BIK: variants seen among roughly 807,000 people sequenced by gnomAD.
BIK encodes BCL2 interacting killer.
A neutral mutation model predicts 12.1 loss-of-function variants in BIK; 14 were observed. That is an observed-to-expected ratio of 1.16 (90% confidence interval 0.77 to 1.81). The LOEUF is 1.81. BIK is among the 40% of genes most tolerant of loss of function. The pLI is 0.00. For synonymous variants in BIK, 86 were observed against 92.3 expected, an observed-to-expected ratio of 0.93 and a Z score of 0.39; for missense variants, 215 against 207.9, an observed-to-expected ratio of 1.03 and a Z score of -0.21.
chr22:43,116,671 A>G (rs1190215986), intron 1 of BIK, among the ~76,000 whole-genome samples: 2 of 151,992 alleles, frequency 1.3e-5, no homozygotes, highest in Admixed American at 6.6e-5. Flanking sequence ...GTTAGCCAGA[A>G]TGGTTTCGAT....
chr22:43,121,698 C>T lies in BIK; in HGVS notation c.-7-2318C>T, dbSNP rs148848656. On this transcript the variant is annotated intron_variant, in intron 1 of 4. Transcript: ENST00000216115. ...CTGGAGCTGCTTTCCTAGGGAAATG[C>T]CATTTGCATAGACACCCAAGGCAGC... Among the ~76,000 whole-genome samples the T allele has an allele frequency of 3.5e-3, 538 of 152,280 alleles. 6 individuals are homozygous for T. The highest frequency in any genetic ancestry group is 0.012 in the African/African-American group (518 of 41,558).
At chr22:43,116,725 G>A (rs1433584205) in intron 1 of BIK, among the ~76,000 whole-genome samples, 3 of 152,160 alleles carry the variant, frequency 2.0e-5, no homozygotes, top group African/African-American at 7.2e-5. Flanking sequence ...CCAAAGTGCT[G>A]GGATTACAGG....
chr22:43,119,278 T>A (rs1930175035), intron 1 of BIK, among the ~76,000 whole-genome samples: 1 of 152,036 alleles, frequency 6.6e-6, no homozygotes, highest in Admixed American at 6.6e-5. Flanking sequence ...TTTCAACTAC[T>A]CATTTGCAAG....
At chr22:43,118,739 C>T (rs1005822944) in intron 1 of BIK, among the ~76,000 whole-genome samples, 3 of 152,158 alleles carry the variant, frequency 2.0e-5, no homozygotes, top group African/African-American at 7.2e-5. Flanking sequence ...AGTGTCAGAT[C>T]CCGCCTGCTT....
At chr22:43,115,519 G>A (rs900822999) in intron 1 of BIK, among the ~76,000 whole-genome samples, 1 of 152,134 alleles carries the variant, frequency 6.6e-6, no homozygotes, top group Non-Finnish European at 1.5e-5. Context: ...CTGGAGTGCA[G>A]TGGCGCGATC....
chr22:43,112,343 G>A (rs924734720), intron 1 of BIK, among the ~76,000 whole-genome samples: 7 of 151,954 alleles, frequency 4.6e-5, no homozygotes, highest in Middle Eastern at 6.8e-3. Flanking sequence ...GATTACAGGC[G>A]CCTACCACGA....
chr22:43,128,703 C>T, intron 4 of BIK, 78 bp downstream of exon 4: 2 of 1,500,514 alleles, frequency 1.3e-6, no homozygotes, highest in African/African-American at 1.4e-5. Flanking sequence ...TGGGGCGCCA[C>T]AGTCCCCACC....
At chr22:43,119,229 G>T (rs1930174253) in intron 1 of BIK, among the ~76,000 whole-genome samples, 1 of 152,018 alleles carries the variant, frequency 6.6e-6, no homozygotes, top group Admixed American at 6.6e-5. Context: ...CCTGGGTGGG[G>T]ACACATGGCT....
At chr22:43,129,165 A>C in intron 4 of BIK, 48 bp from the exon 5 acceptor site, 1 of 1,600,364 alleles carries the variant, frequency 6.2e-7, no homozygotes, top group African/African-American at 1.3e-5. Flanking sequence ...GTCTGGCCCC[A>C]TTGCCGGGGC....
At chr22:43,118,474 G>A (rs539328100) in intron 1 of BIK, among the ~76,000 whole-genome samples, 1 of 152,306 alleles carries the variant, frequency 6.6e-6, no homozygotes, top group South Asian at 2.1e-4. Context: ...ACACAGCAGG[G>A]GCCGAGCAGG....
Position 43,123,856 on chromosome 22 carries a change from G to T in BIK, c.-7-160G>T, listed in dbSNP as rs4988412. Among the ~76,000 whole-genome samples the T allele has an allele frequency of 7.6e-3, 1,158 of 152,320 alleles. 12 individuals carry two copies. The highest frequency in any genetic ancestry group is 0.025 in the African/African-American group (1,057 of 41,564). On this transcript the variant is annotated intron_variant, in intron 1 of 4. Transcript: ENST00000216115. ...GAGGCACACAGCCAGCATGTAGCAGGATTCATGCCTGTGGGAGCTGGGGTT... is the reference window on the plus strand; with the variant it reads ...GAGGCACACAGCCAGCATGTAGCAGTATTCATGCCTGTGGGAGCTGGGGTT...
chr22:43,126,330 C>T (rs1033207211), intron 2 of BIK, among the ~76,000 whole-genome samples: 3 of 152,122 alleles, frequency 2.0e-5, no homozygotes, highest in African/African-American at 2.4e-5. Flanking sequence ...GGACTACAGG[C>T]GCCTGCCACC....
chr22:43,112,643 C>G (rs1017222003), intron 1 of BIK, among the ~76,000 whole-genome samples: 9 of 151,436 alleles, frequency 5.9e-5, no homozygotes, highest in Non-Finnish European at 8.8e-5. Context: ...GCCTGTAATC[C>G]TAGCACTTTG....
rs1475940319 is a variant in BIK at position 43,127,721 on chromosome 22, C to T, written c.186C>T (p.Ala62=). The change falls in exon 3 of 5, where the codon GCC becomes GCT. Residue 62 remains alanine, a synonymous_variant. Transcript: ENST00000216115. ...GTGACGCATTGGCCCTGCGGCTGGC[C>T]TGCATCGGGGACGAGATGGACGTGA... ...EGSDALALRL[A]CIGDEMDVSL... 12 of 1,556,012 alleles carry T rather than the reference C, an allele frequency of 7.7e-6. No individual in the cohort carries two copies. Among genetic ancestry groups the T allele is most frequent in the Non-Finnish European group, 9.6e-6 (11 of 1,150,454 alleles).
intron 1 of BIK, among the ~76,000 whole-genome samples, chr22:43,123,701 A>G (rs768180793): frequency 6.6e-6 from 1 of 152,204 alleles, no homozygotes; most frequent in Non-Finnish European, 1.5e-5. Flanking sequence ...CAGTGAGCCA[A>G]GATTGTGCCA....
intron 1 of BIK, among the ~76,000 whole-genome samples, chr22:43,117,871 T>C (rs772147951): frequency 6.7e-6 from 1 of 148,650 alleles, no homozygotes; most frequent in African/African-American, 2.5e-5. Flanking sequence ...GGAGTTTTAT[T>C]ACCATGTTAG....
In BIK at chr22:43,129,471, GTT is replaced by G; in HGVS notation, c.*175_*176del. 1.9e-6 allele frequency: 2 copies of G among 1,057,302 alleles called. No individual in the cohort carries two copies. Among genetic ancestry groups the G allele is most frequent in the Non-Finnish European group, 2.5e-6 (2 of 791,982 alleles). The allele number at this position is 1,057,302 out of a possible 1,614,324, so 65.5% of individuals were successfully genotyped here. A position where few individuals can be genotyped will look rare whatever the true frequency, so the allele number is the denominator to read the frequency against. ...CTGAGGTTTTATACTCAGGTTTTTT[GTT>G]TTTTTTTTATTCCAGTTTTCGTTTT... On this transcript the variant is annotated 3_prime_UTR_variant, in exon 5 of 5. Transcript: ENST00000216115.
chr22:43,124,891 C>CA (rs1490148011), intron 2 of BIK, among the ~76,000 whole-genome samples: 1 of 151,600 alleles, frequency 6.6e-6, no homozygotes, highest in Non-Finnish European at 1.5e-5. Context: ...GACTCCATCT[C>CA]AAAAAAAGAA....
chr22:43,126,620 G>A (rs1336968681), intron 2 of BIK, among the ~76,000 whole-genome samples: 1 of 152,138 alleles, frequency 6.6e-6, no homozygotes, highest in African/African-American at 2.4e-5. Flanking sequence ...CTTTCTGCTG[G>A]GGAATCCTGT....
Sources: gnomAD v4.1 joint callset for allele counts (sites outside exome capture counted in the v4.1 genomes callset) on GRCh38, gnomAD v4.1.1 for gene constraint, MANE v1.5 for transcripts, NCBI Gene and HGNC (gene_info 2026-07-23, HGNC 2026-07-21) for gene names.